GALNT13: variants seen among roughly 807,000 people sequenced by gnomAD.
GALNT13 encodes the protein UDP-GalNAc:polypeptide N-acetylgalactosaminyltransferase 13.
A neutral mutation model predicts 64.2 loss-of-function variants in GALNT13; 28 were observed. The observed-to-expected ratio is 0.44, with a 90% CI of 0.32 to 0.60. The LOEUF is 0.60. Among genes scored for constraint, GALNT13 ranks in the 20% least tolerant of loss-of-function variants. The probability of loss-of-function intolerance (pLI) is 0.05; values close to 1 mark genes in which losing one functional copy is unlikely to be tolerated. For missense variants in GALNT13, 577 were observed against 669.8 expected, an observed-to-expected ratio of 0.86 and a Z score of 1.53; for synonymous variants, 214 against 224.6, an observed-to-expected ratio of 0.95 and a Z score of 0.42.
At chr2:154,446,697 A>C in intron 12 of GALNT13, 1 of 1,547,686 alleles carries the variant, frequency 6.5e-7, no homozygotes, top group Non-Finnish European at 8.7e-7. Flanking sequence ...AAGAAACTAT[A>C]CAAGAATGGA....
the GALNT13 span, among the ~76,000 whole-genome samples, chr2:153,206,589 G>C: frequency 6.6e-6 from 1 of 151,890 alleles, no homozygotes; most frequent in Non-Finnish European, 1.5e-5. Context: ...AGGGAACTCT[G>C]GTTTTAAAAT....
the GALNT13 span, among the ~76,000 whole-genome samples, chr2:153,629,374 C>T: frequency 6.6e-6 from 1 of 151,660 alleles, no homozygotes; most frequent in Non-Finnish European, 1.5e-5. Flanking sequence ...CTTTGACAAA[C>T]CTGAGAAAAA....
the GALNT13 span, among the ~76,000 whole-genome samples, chr2:153,254,285 G>C: frequency 6.6e-6 from 1 of 151,946 alleles, no homozygotes; most frequent in Non-Finnish European, 1.5e-5. Context: ...TCTGATGGTA[G>C]TTTGTATTTC....
At chr2:153,434,155 A>G in the GALNT13 span, among the ~76,000 whole-genome samples, 31 of 152,216 alleles carry the variant, frequency 2.0e-4, no homozygotes, top group African/African-American at 6.0e-4. Flanking sequence ...CAAAGGACAT[A>G]AACTCATCAT....
At chr2:154,441,635 A>C (rs893837748) in intron 12 of GALNT13, 1 of 152,146 alleles carries the variant, frequency 6.6e-6, no homozygotes, top group Non-Finnish European at 1.5e-5. Context: ...TGTGAATCTC[A>C]CCATGTGAAC....
the GALNT13 span, among the ~76,000 whole-genome samples, chr2:153,858,479 C>T: frequency 2.6e-5 from 4 of 152,106 alleles, no homozygotes; most frequent in Non-Finnish European, 4.4e-5. Flanking sequence ...TTTTTGGTTT[C>T]AGTTGCACAT....
the GALNT13 span, among the ~76,000 whole-genome samples, chr2:153,323,420 T>G: frequency 6.6e-6 from 1 of 152,210 alleles, no homozygotes. Context: ...TTGCAAAATT[T>G]TTCTCCCATT....
At chr2:153,084,683 C>T in the GALNT13 span, among the ~76,000 whole-genome samples, 92 of 152,306 alleles carry the variant, frequency 6.0e-4, 1 homozygote, top group East Asian at 6.0e-3. Flanking sequence ...CCTTGTAAGA[C>T]GTGACTTTGC....
intron 3 of GALNT13, among the ~76,000 whole-genome samples, chr2:154,121,367 G>A (rs373107840): frequency 3.8e-4 from 58 of 152,220 alleles, no homozygotes; most frequent in African/African-American, 9.1e-4. Flanking sequence ...ATACAATAGC[G>A]TACTGACATT....
intron 4 of GALNT13, among the ~76,000 whole-genome samples, chr2:154,186,245 T>G (rs1384915601): frequency 6.6e-6 from 1 of 152,082 alleles, no homozygotes; most frequent in Non-Finnish European, 1.5e-5. Context: ...AATTCCCAAT[T>G]GTTAAATGAC....
intron 3 of GALNT13, among the ~76,000 whole-genome samples, chr2:153,982,274 T>C (rs1444366689): frequency 6.6e-6 from 1 of 152,202 alleles, no homozygotes; most frequent in African/African-American, 2.4e-5. Flanking sequence ...AGGACGGAAA[T>C]GTACTTGGCT....
At chr2:153,446,254 G>T in the GALNT13 span, among the ~76,000 whole-genome samples, 1 of 152,136 alleles carries the variant, frequency 6.6e-6, no homozygotes, top group Admixed American at 6.6e-5. Context: ...TACCATTGTG[G>T]AATTTGGAAC....
downstream of GALNT13, among the ~76,000 whole-genome samples, chr2:154,454,801 G>A (rs567504656): frequency 2.0e-5 from 3 of 152,254 alleles, no homozygotes; most frequent in East Asian, 5.8e-4. Context: ...GAACATCCAA[G>A]CATCATTTGG....
chr2:154,265,895 A>G (rs569940041), intron 8 of GALNT13, among the ~76,000 whole-genome samples: 59 of 152,352 alleles, frequency 3.9e-4, no homozygotes, highest in Middle Eastern at 3.4e-3. Flanking sequence ...GTTTCTCCGT[A>G]TGTCAAATAA....
chr2:153,380,732 A>T, the GALNT13 span, among the ~76,000 whole-genome samples: 1 of 152,140 alleles, frequency 6.6e-6, no homozygotes, highest in African/African-American at 2.4e-5. Context: ...ACTCCATTTT[A>T]TGGTTAATGG....
At chr2:154,442,920 A>G (rs1701375021) in intron 12 of GALNT13, among the ~76,000 whole-genome samples, 1 of 152,164 alleles carries the variant, frequency 6.6e-6, no homozygotes, top group Non-Finnish European at 1.5e-5. Flanking sequence ...TGTGAATTCT[A>G]TATACATCTG....
At chr2:153,476,921 TG>T in the GALNT13 span, among the ~76,000 whole-genome samples, 1 of 151,978 alleles carries the variant, frequency 6.6e-6, no homozygotes, top group Non-Finnish European at 1.5e-5. Context: ...GCCGCCTGGC[TG>T]ACGTTGGTTA....
At chr2:153,578,761 C>CT in the GALNT13 span, among the ~76,000 whole-genome samples, 1 of 152,132 alleles carries the variant, frequency 6.6e-6, no homozygotes, top group South Asian at 2.1e-4. Flanking sequence ...TGGTCTGTAG[C>CT]AATGGTCAGT....
At chr2:153,980,330 G>GA (rs1453049230) in intron 3 of GALNT13, among the ~76,000 whole-genome samples, 3 of 152,112 alleles carry the variant, frequency 2.0e-5, no homozygotes, top group Non-Finnish European at 2.9e-5. Flanking sequence ...ATTGCTATGT[G>GA]AAAAAATACG....
Sources: gnomAD v4.1 joint callset for allele counts (sites outside exome capture counted in the v4.1 genomes callset) on GRCh38, gnomAD v4.1.1 for gene constraint, MANE v1.5 for transcripts, NCBI Gene and HGNC (gene_info 2026-07-23, HGNC 2026-07-21) for gene names.